The following LNP1 variants were observed in gnomAD, a reference collection of about 807,000 sequenced individuals.
LNP1 encodes the protein leukemia NUP98 fusion partner 1.
LNP1 carries 12 observed loss-of-function variants against 14.5 expected under a neutral mutation model. The observed-to-expected ratio is 0.83, with a 90% CI of 0.53 to 1.34. The LOEUF is 1.34. LNP1 is among the 40% of genes most tolerant of loss of function. LNP1 has a pLI of 0.00. For synonymous variants in LNP1, 75 were observed against 71.4 expected, an observed-to-expected ratio of 1.05 and a Z score of -0.26; for missense variants, 198 against 210.9, an observed-to-expected ratio of 0.94 and a Z score of 0.38.
intron 2 of LNP1, among the ~76,000 whole-genome samples, chr3:100,440,477 G>A (rs539336709): frequency 6.6e-6 from 1 of 152,214 alleles, no homozygotes; most frequent in Non-Finnish European, 1.5e-5. Context: ...CCATCAGTAA[G>A]GGATGATAGT....
At chr3:100,450,600 G>C (rs538281846) in intron 2 of LNP1, among the ~76,000 whole-genome samples, 2 of 152,256 alleles carry the variant, frequency 1.3e-5, no homozygotes, top group East Asian at 3.9e-4. Flanking sequence ...TCCTCCCAAA[G>C]TGCTGGGATT....
At chr3:100,445,152 A>G (rs1022292441) in intron 2 of LNP1, among the ~76,000 whole-genome samples, 8 of 152,186 alleles carry the variant, frequency 5.3e-5, no homozygotes, top group African/African-American at 1.2e-4. Context: ...GGCACCAGTC[A>G]TCTCAGCTAC....
intron 2 of LNP1, among the ~76,000 whole-genome samples, chr3:100,450,089 CTTTTTTT>C (rs57762414): frequency 7.4e-6 from 1 of 135,176 alleles, no homozygotes; most frequent in Non-Finnish European, 1.6e-5. Flanking sequence ...CACCATACCA[CTTTTTTT>C]TTTTTTTTTT....
chr3:100,429,034 A>G (rs1418016843), intron 1 of LNP1, among the ~76,000 whole-genome samples: 1 of 152,206 alleles, frequency 6.6e-6, no homozygotes, highest in Non-Finnish European at 1.5e-5. Flanking sequence ...GGTGGTGGTA[A>G]CACAGGGGTA....
chr3:100,405,489 G>A (rs989042892), intron 1 of LNP1, among the ~76,000 whole-genome samples: 24 of 152,182 alleles, frequency 1.6e-4, no homozygotes, highest in Non-Finnish European at 2.6e-4. Flanking sequence ...GAGGATGGGG[G>A]TTTGAGATCA....
At chr3:100,451,252 G>A (rs919498346) in intron 2 of LNP1, among the ~76,000 whole-genome samples, 4 of 152,184 alleles carry the variant, frequency 2.6e-5, no homozygotes, top group African/African-American at 4.8e-5. Context: ...GCACAGTTTG[G>A]TTTTATACAT....
intron 1 of LNP1, among the ~76,000 whole-genome samples, chr3:100,419,508 A>ATG (rs1333313608): frequency 6.6e-6 from 1 of 151,754 alleles, no homozygotes. Flanking sequence ...GTGTGTGTGT[A>ATG]TGTGTGTGTG....
chr3:100,455,297 G>T (rs1413425711), intron 3 of LNP1, among the ~76,000 whole-genome samples: 1 of 152,170 alleles, frequency 6.6e-6, no homozygotes, highest in Non-Finnish European at 1.5e-5. Context: ...ACATGTCGGG[G>T]GGTGTTAATC....
At chr3:100,445,362 C>T (rs1299049959) in intron 2 of LNP1, among the ~76,000 whole-genome samples, 1 of 152,168 alleles carries the variant, frequency 6.6e-6, no homozygotes, top group Non-Finnish European at 1.5e-5. Flanking sequence ...AGTCCCCAGG[C>T]CTTGAGGAGT....
rs1416196711 is a variant in LNP1 at position 100,455,946 on chromosome 3, G to A, written c.*20G>A. 3.8e-6 allele frequency: 6 copies of A among 1,590,126 alleles called. No homozygotes were observed. The highest frequency in any genetic ancestry group is 1.1e-5 in the South Asian group (1 of 87,106). ...GAATAATACTCTGCTTCTGCCTCATGACATCAGATGCTACTGTTTTGGTTT... is the reference window on the plus strand; with the variant it reads ...GAATAATACTCTGCTTCTGCCTCATAACATCAGATGCTACTGTTTTGGTTT... On this transcript the variant is annotated 3_prime_UTR_variant, in exon 4 of 4. Transcript: ENST00000383693.
At chr3:100,431,707 T>C (rs922866862) in intron 2 of LNP1, among the ~76,000 whole-genome samples, 6 of 151,588 alleles carry the variant, frequency 4.0e-5, no homozygotes, top group Non-Finnish European at 7.4e-5. Context: ...ATATTCTTAC[T>C]TTTGGCGTGG....
intron 2 of LNP1, among the ~76,000 whole-genome samples, chr3:100,446,995 T>C (rs1707394444): frequency 1.3e-5 from 2 of 152,134 alleles, no homozygotes; most frequent in African/African-American, 4.8e-5. Context: ...TTTTACACTG[T>C]TGGTGGGAGT....
intron 1 of LNP1, among the ~76,000 whole-genome samples, chr3:100,422,803 CTTTTTTTTT>C (rs557593118): frequency 3.2e-4 from 22 of 69,078 alleles, no homozygotes; most frequent in South Asian, 1.1e-3. Context: ...TTTGTCTCCT[CTTTTTTTTT>C]TTTTTTTTTT....
intron 1 of LNP1, among the ~76,000 whole-genome samples, chr3:100,429,186 A>G (rs559252492): frequency 6.6e-6 from 1 of 152,332 alleles, no homozygotes; most frequent in East Asian, 1.9e-4. Flanking sequence ...TGGATTTTAT[A>G]TCAATATCAT....
At chr3:100,414,383 C>T (rs1707060298) in intron 1 of LNP1, among the ~76,000 whole-genome samples, 1 of 151,962 alleles carries the variant, frequency 6.6e-6, no homozygotes, top group African/African-American at 2.4e-5. Context: ...CTCGTCTCTA[C>T]TAAAAATACA....
rs1345465793 is a variant in LNP1 at position 100,438,864 on chromosome 3, G to A, written c.156+8979G>A. Among the ~76,000 whole-genome samples the A allele has an allele frequency of 7.2e-5, 11 of 152,234 alleles. No homozygotes were observed. The South Asian group carries it at 2.1e-3, about 29-fold the overall frequency. On this transcript the variant is annotated intron_variant, in intron 2 of 3. Coordinates refer to ENST00000383693, the MANE Select transcript of LNP1 (RefSeq NM_001085451.2). The stretch of plus-strand genomic sequence containing the variant: ...GCTACAGCGTGATTCACAAAACAGG[G>A]GATAGATAGGTGAGGCTATTTTAAG...
intron 2 of LNP1, among the ~76,000 whole-genome samples, chr3:100,431,218 T>G (rs1707239240): frequency 6.6e-6 from 1 of 152,210 alleles, no homozygotes; most frequent in South Asian, 2.1e-4. Context: ...GAAAGAAACA[T>G]GGTTTACTAG....
At chr3:100,436,446 G>A (rs370104247) in intron 2 of LNP1, among the ~76,000 whole-genome samples, 179 of 152,044 alleles carry the variant, frequency 1.2e-3, no homozygotes, top group African/African-American at 3.9e-3. Flanking sequence ...TTTATTTTTC[G>A]TTTACATACC....
rs1707462899 is a variant in LNP1 at position 100,451,876 on chromosome 3, A to G, written c.314A>G (p.His105Arg). ...CCACTGGAATCAAAAGGAAGATCCC[A>G]TTCCAAAATTGAGAAATTTTCAGAG... ...KEPLESKGRS[H>R]SKIEKFSESF... The change falls in exon 3 of 4, where the codon CAT (histidine) becomes CGT (arginine). Residue 105 changes from histidine (H) to arginine (R), a missense_variant. Coordinates refer to ENST00000383693, the MANE Select transcript of LNP1 (RefSeq NM_001085451.2). The G allele has an allele frequency of 7.5e-7, 1 of 1,334,938 alleles. No homozygotes were observed. 82.7% of individuals were successfully genotyped at this position (1,334,938 alleles called of 1,614,324 possible). A position where few individuals can be genotyped will look rare whatever the true frequency, so the allele number is the denominator to read the frequency against.
Sources: gnomAD v4.1 joint callset for allele counts (sites outside exome capture counted in the v4.1 genomes callset) on GRCh38, gnomAD v4.1.1 for gene constraint, MANE v1.5 for transcripts, NCBI Gene and HGNC (gene_info 2026-07-23, HGNC 2026-07-21) for gene names.